Variants in CPXM2 observed in about 807,000 individuals in gnomAD.
CPXM2 encodes inactive carboxypeptidase-like protein X2.
Under a neutral mutation model 86.1 loss-of-function variants are expected in CPXM2, and 66 were observed. The ratio of observed to expected loss-of-function variants is 0.77; its 90% CI spans 0.63 to 0.94. CPXM2 has a LOEUF of 0.94. CPXM2 is among the 40% of genes least tolerant of loss of function. The pLI, the probability that CPXM2 is intolerant of heterozygous loss-of-function variation, is 0.00. For missense variants in CPXM2, 948 were observed against 1,026.3 expected (o/e 0.92, Z 1.04); for synonymous variants, 388 against 400.2 (o/e 0.97, Z 0.36).
rs116356489 is a variant in CPXM2 at position 123,898,035 on chromosome 10, T to C, written n.175-17726A>G. On this transcript the variant is annotated intron_variant and non_coding_transcript_variant, in intron 2 of 19. Coordinates refer to the CPXM2 transcript ENST00000368854. Reference sequence around the variant, plus strand: ...GAGACCTCCCACACCTGTAGTCTGCTGTCGGGCAATCAGACTCCACGCCAG... The same window carrying C: ...GAGACCTCCCACACCTGTAGTCTGCCGTCGGGCAATCAGACTCCACGCCAG... 8.8e-3 allele frequency among the ~76,000 whole-genome samples: 1,341 copies of C among 152,354 alleles called. 20 individuals are homozygous for C. Among genetic ancestry groups the C allele is most frequent in the African/African-American group, 0.03 (1,266 of 41,588 alleles).
rs966752301 is a variant in CPXM2, at chr10:123,847,264, C to T, written c.514-4776G>A. ...TTCAGGCCAGGTGCGGTGGCTCACG[C>T]CTGTAATCCCAGCACTTTGGGAGGC... On this transcript the variant is annotated intron_variant, in intron 3 of 13. Transcript: ENST00000241305. 2.6e-5 allele frequency among the ~76,000 whole-genome samples: 4 copies of T among 152,210 alleles called. No individual in the cohort carries two copies. The East Asian group carries it at 7.7e-4, about 29-fold the overall frequency.
At chr10:123,907,081 G>A (rs555105556) in intron 2 of CPXM2, among the ~76,000 whole-genome samples, 1 of 152,344 alleles carries the variant, frequency 6.6e-6, no homozygotes, top group South Asian at 2.1e-4. Context: ...GAAGCACGGT[G>A]TGTGCATGTG....
At chr10:123,923,838 C>T (rs9423280) in intron 2 of CPXM2, among the ~76,000 whole-genome samples, 55,776 of 152,002 alleles carry the variant, frequency 0.37, 10,396 homozygotes, top group African/African-American at 0.41. Context: ...CACGCTCTCT[C>T]CTCTTGTCTG....
At chr10:123,778,097 C>A (rs1846842339) in intron 7 of CPXM2, among the ~76,000 whole-genome samples, 1 of 152,182 alleles carries the variant, frequency 6.6e-6, no homozygotes, top group Admixed American at 6.5e-5. Flanking sequence ...TGGAACTGTG[C>A]CTTGCAAGTC....
In CPXM2 at chr10:123,938,890, G is replaced by T. The variant is rs187206008; in HGVS notation, n.174+587C>A. On this transcript the variant is annotated intron_variant and non_coding_transcript_variant, in intron 2 of 19. Transcript: ENST00000368854. ...AGGTGACTTTCACTGGGGGACATAG[G>T]TGACCCAGGGACACAGGTGGATCAC... 1.5e-3 allele frequency among the ~76,000 whole-genome samples: 232 copies of T among 152,226 alleles called. 1 individual carries two copies. Among genetic ancestry groups the T allele is most frequent in the African/African-American group, 5.3e-3 (219 of 41,532 alleles).
intron 4 of CPXM2, among the ~76,000 whole-genome samples, chr10:123,805,127 A>G (rs549255577): frequency 6.6e-6 from 1 of 152,124 alleles, no homozygotes; most frequent in East Asian, 1.9e-4. Flanking sequence ...ATTTTCATAT[A>G]TATTGTCTTT....
intron 4 of CPXM2, among the ~76,000 whole-genome samples, chr10:123,815,286 C>T (rs552340777): frequency 3.3e-5 from 5 of 152,194 alleles, no homozygotes; most frequent in African/African-American, 1.2e-4. Flanking sequence ...GAGTGACAGC[C>T]TTATCCCTGG....
chr10:123,747,098 C>T (rs1845985617), intron 13 of CPXM2, 81 bp from the exon 14 acceptor site: 1 of 1,514,884 alleles, frequency 6.6e-7, no homozygotes, highest in Non-Finnish European at 8.9e-7. Context: ...AGACCAGCTC[C>T]CTGGGCCAGA....
chr10:123,831,128 T>C (rs1189766050), intron 4 of CPXM2, among the ~76,000 whole-genome samples: 1 of 152,178 alleles, frequency 6.6e-6, no homozygotes, highest in African/African-American at 2.4e-5. Context: ...AGCAAAAATA[T>C]CTATCAGGCA....
At chr10:123,792,452 C>T (rs1386718134) in intron 6 of CPXM2, among the ~76,000 whole-genome samples, 2 of 152,142 alleles carry the variant, frequency 1.3e-5, no homozygotes, top group African/African-American at 2.4e-5. Context: ...GCCAGCTAGC[C>T]AGGATGGAAG....
At chr10:123,748,013 T>TATCA (rs886811947) in intron 13 of CPXM2, among the ~76,000 whole-genome samples, 1 of 150,402 alleles carries the variant, frequency 6.6e-6, no homozygotes, top group African/African-American at 2.4e-5. Context: ...ATCCACAGCA[T>TATCA]ATCAGAGACC....
chr10:123,921,643 A>G (rs72631130), intron 2 of CPXM2, among the ~76,000 whole-genome samples: 3,049 of 152,350 alleles, frequency 0.02, 83 homozygotes, highest in East Asian at 0.094. Flanking sequence ...TCCAGATGAT[A>G]GACATGGTAG....
intron 2 of CPXM2, among the ~76,000 whole-genome samples, chr10:123,930,921 C>G (rs934275007): frequency 6.6e-6 from 1 of 152,226 alleles, no homozygotes; most frequent in African/African-American, 2.4e-5. Context: ...TTCGTTCCCA[C>G]AGCAGCTGAT....
rs554658087 is a variant in CPXM2, at chr10:123,936,766, C to A, written n.174+2711G>T. ...CTCACTTTCTCTCTCCCCATACTCCCACCTCCAGTCCTCGGGCCCCACTGC... is the reference window on the plus strand; with the variant it reads ...CTCACTTTCTCTCTCCCCATACTCCAACCTCCAGTCCTCGGGCCCCACTGC... On this transcript the variant is annotated intron_variant and non_coding_transcript_variant, in intron 2 of 19. Coordinates refer to the CPXM2 transcript ENST00000368854. 2.6e-5 allele frequency among the ~76,000 whole-genome samples: 4 copies of A among 152,242 alleles called. No homozygotes were observed. The East Asian group carries it at 7.7e-4, about 29-fold the overall frequency.
At chr10:123,812,342 C>T (rs1297068267) in intron 4 of CPXM2, among the ~76,000 whole-genome samples, 4 of 152,156 alleles carry the variant, frequency 2.6e-5, no homozygotes, top group Non-Finnish European at 5.9e-5. Flanking sequence ...CCAAAAGCTA[C>T]ATTCAGTATA....
chr10:123,843,180 G>A lies in CPXM2; in HGVS notation c.514-692C>T, dbSNP rs144542851. The A allele has an allele frequency of 1.9e-3, 740 of 389,800 alleles. 4 individuals carry two copies. The highest frequency in any genetic ancestry group is 0.015 in the African/African-American group (703 of 46,488). 24.1% of individuals were successfully genotyped at this position (389,800 alleles called of 1,614,324 possible). Reference sequence around the variant, plus strand: ...TTGCCCAGGCTGGCCTCAGACTCCTGGGTTTAAATGACCCTCCCTCCTCGG... The same window carrying A: ...TTGCCCAGGCTGGCCTCAGACTCCTAGGTTTAAATGACCCTCCCTCCTCGG... On this transcript the variant is annotated intron_variant, in intron 3 of 13. Coordinates refer to ENST00000241305, the MANE Select transcript of CPXM2 (RefSeq NM_198148.3).
intron 3 of CPXM2, among the ~76,000 whole-genome samples, chr10:123,849,079 C>A (rs778776291): frequency 3.2e-4 from 48 of 152,160 alleles, no homozygotes; most frequent in Non-Finnish European, 4.6e-4. Flanking sequence ...GTCCATTTAG[C>A]CCATTGACAG....
chr10:123,911,337 G>A (rs79853087), intron 2 of CPXM2, among the ~76,000 whole-genome samples: 1,953 of 152,186 alleles, frequency 0.013, 43 homozygotes, highest in African/African-American at 0.043. Context: ...CCAGGGGACA[G>A]GTCCCCCGGC....
chr10:123,769,230 A>G (rs990579000), intron 8 of CPXM2, among the ~76,000 whole-genome samples: 31 of 152,252 alleles, frequency 2.0e-4, no homozygotes, highest in African/African-American at 7.2e-4. Context: ...TCAGGGTGCT[A>G]TGGTTTAATG....
Sources: allele counts gnomAD v4.1 joint callset (sites outside exome capture counted in the v4.1 genomes callset), GRCh38; gene constraint gnomAD v4.1.1; transcripts MANE v1.5; gene names NCBI Gene and HGNC (gene_info 2026-07-23, HGNC 2026-07-21).